LCT: variants seen among roughly 807,000 people sequenced by gnomAD.
The protein encoded by LCT is lactase/phlorizin hydrolase.
A neutral mutation model predicts 173.0 loss-of-function variants in LCT; 90 were observed. That is an observed-to-expected ratio of 0.52 (90% confidence interval 0.44 to 0.62). The LOEUF is 0.62. Among genes scored for constraint, LCT ranks in the 20% least tolerant of loss-of-function variants. LCT has a pLI of 0.00. For synonymous variants in LCT, 853 were observed against 957.6 expected, an observed-to-expected ratio of 0.89 and a Z score of 2.02; for missense variants, 1,864 against 2,431.4, an observed-to-expected ratio of 0.77 and a Z score of 4.91.
At chr2:135,804,718 TG>T in intron 10 of LCT, 48 bp downstream of exon 10, 1 of 1,555,974 alleles carries the variant, frequency 6.4e-7, no homozygotes, top group Non-Finnish European at 8.9e-7. Flanking sequence ...CCAGCCCTGC[TG>T]GTTCCTGCAT....
intron 2 of LCT, among the ~76,000 whole-genome samples, chr2:135,830,544 T>C (rs1415216288): frequency 6.6e-6 from 1 of 152,242 alleles, no homozygotes; most frequent in Admixed American, 6.5e-5. Flanking sequence ...TGTGAATGCC[T>C]AGTGTTCCAT....
In LCT at chr2:135,836,596, G is replaced by C. The variant is rs1455020416; in HGVS notation, c.574C>G (p.Leu192Val). 6.2e-7 allele frequency: 1 copy of C among 1,613,824 alleles called. No homozygotes were observed. Among genetic ancestry groups the C allele is most frequent in the African/African-American group, 1.3e-5 (1 of 74,930 alleles). The change falls in exon 1 of 17, where the codon CTC (leucine) becomes GTC (valine). Residue 192 changes from leucine to valine, a missense_variant. By Grantham distance (32) the Leu-to-Val change is conservative. Around this residue, in one of 4 missense-constraint regions of LCT, gnomAD observed 412 missense variants for 462.0 expected, o/e 0.89. Transcript: ENST00000264162. ...LPHQESRASQLQTLSDAHRKA... is the reference protein window; with the variant it reads ...LPHQESRASQVQTLSDAHRKA... ...CTGTGGGCATCACTGAGGGTCTGGA[G>C]TTGTGACGCTCTTGATTCCTGGTGG...
intron 12 of LCT, among the ~76,000 whole-genome samples, chr2:135,798,833 G>T (rs902767730): frequency 1.4e-4 from 21 of 152,276 alleles, no homozygotes; most frequent in African/African-American, 4.8e-4. Flanking sequence ...CATGGTCAGA[G>T]ATGAGGCATG....
Position 135,807,155 on chromosome 2 carries a change from G to A in LCT, c.4146C>T (p.Ile1382=). ...GATATGCAGCAGAAGCTGCACTCCA[G>A]ATGAAGCCCTCAGGAAACCGTCCGT... ...FLYGRFPEGF[I]WSAASAAYQI... is the part of the protein sequence containing the mutation. The change falls in exon 9 of 17, where the codon ATC becomes ATT. Residue 1382 remains isoleucine, a synonymous_variant. Transcript: ENST00000264162. The A allele has an allele frequency of 1.2e-6, 2 of 1,614,234 alleles. No homozygotes were observed. The highest frequency in any genetic ancestry group is 1.7e-6 in the Non-Finnish European group (2 of 1,180,032).
intron 4 of LCT, 29 bp downstream of exon 4, chr2:135,823,872 C>A (rs757353132): frequency 2.0e-6 from 3 of 1,470,924 alleles, no homozygotes; most frequent in Non-Finnish European, 2.9e-6. Context: ...AGATGTCACT[C>A]AAAACCTCTT....
In LCT at chr2:135,809,571, C is replaced by A; in HGVS notation, c.2776G>T (p.Gly926Cys). The A allele has an allele frequency of 6.2e-7, 1 of 1,614,240 alleles. No individual in the cohort carries two copies. The highest frequency in any genetic ancestry group is 8.5e-7 in the Non-Finnish European group (1 of 1,180,048). The change falls in exon 8 of 17, where the codon GGC becomes TGC. Residue 926 changes from glycine (G) to cysteine (C), a missense_variant. Transcript: ENST00000264162. The surrounding 1 kb of genome is among the most constrained non-coding windows in gnomAD (Gnocchi z 5.5). ...TTATCCCAGATGCTGGGGCCTTTGC[C>A]ATCGGCATCCCACGCGCCTTCAATC... is the stretch of plus-strand genomic sequence containing the variant. ...YQIEGAWDADGKGPSIWDNFT... is the reference protein window; with the variant it reads ...YQIEGAWDADCKGPSIWDNFT...
intron 6 of LCT, 56 bp downstream of exon 6, chr2:135,817,284 CT>C: frequency 1.3e-6 from 2 of 1,573,056 alleles, no homozygotes; most frequent in Non-Finnish European, 1.7e-6. Context: ...AAATGACTTT[CT>C]TCCAGCCAAT....
In LCT at chr2:135,789,604, C is replaced by T. The variant is rs1395909565; in HGVS notation, c.5530G>A (p.Ala1844Thr). The change falls in exon 16 of 17, where the codon GCT becomes ACT. Residue 1844 changes from alanine (A) to threonine (T), a missense_variant. Around this residue, in one of 4 missense-constraint regions of LCT, gnomAD observed 514 missense variants for 750.1 expected, o/e 0.69. Coordinates refer to ENST00000264162, the MANE Select transcript of LCT (RefSeq NM_002299.4). ...TGGAGACAAGCGTGAGGCCCTGTAG[C>T]GGGGTCAGGGAAGCCATTGCATCGG... ...VVRCNGFPDP[A>T]TGPHACLHQP... The T allele has an allele frequency of 1.9e-6, 3 of 1,613,926 alleles. No homozygotes were observed. The highest frequency in any genetic ancestry group is 1.1e-5 in the South Asian group (1 of 91,076).
At chr2:135,795,628 A>G (rs1256489759) in intron 13 of LCT, among the ~76,000 whole-genome samples, 1 of 150,908 alleles carries the variant, frequency 6.6e-6, no homozygotes, top group Admixed American at 6.6e-5. Context: ...AATAATAATA[A>G]TAATAATAAT....
Position 135,809,448 on chromosome 2 carries a change from G to A in LCT, c.2899C>T (p.Arg967Ter), listed in dbSNP as rs930628297. The A allele has an allele frequency of 5.6e-6, 9 of 1,614,088 alleles. No individual in the cohort carries two copies. The highest frequency in any genetic ancestry group is 1.3e-5 in the African/African-American group (1 of 74,928). ...HQLDADLNML[R>*]ALKVKAYRFS... ...CGGTAGGCCTTCACCTTCAAAGCTC[G>A]GAGCATATTCAGATCGGCATCCAGC... The change falls in exon 8 of 17, where the codon CGA (arginine) becomes TGA (stop). Residue 967 changes from arginine (R) to a stop codon, truncating the protein, a stop_gained. Transcript: ENST00000264162. LOFTEE classifies it high-confidence loss of function. This position sits in a 1 kb window ranked among gnomAD's most constrained non-coding sequence, Gnocchi z 5.5.
intron 2 of LCT, among the ~76,000 whole-genome samples, chr2:135,830,223 G>A (rs1046581696): frequency 1.5e-4 from 23 of 152,092 alleles, no homozygotes; most frequent in African/African-American, 4.8e-4. Flanking sequence ...AGTACGCACT[G>A]GGGACTTCCT....
rs370965510 is a variant in LCT, at chr2:135,822,092, T to A, written c.914A>T (p.Asn305Ile). 1.3e-6 allele frequency: 2 copies of A among 1,582,560 alleles called. No homozygotes were observed. Among genetic ancestry groups the A allele is most frequent in the African/African-American group, 1.3e-5 (1 of 74,302 alleles). ...CCCAATGGTGAGCACTTGGTCTTTA[T>A]TTATGGCTGTAAGAGAAGAAATTGA... ...SLLFSLFEAINKDQVLTIGFD... is the reference protein window; with the variant it reads ...SLLFSLFEAIIKDQVLTIGFD... Residue 305 changes from asparagine (N) to isoleucine (I), a missense_variant, in exon 5 of 17, where the codon AAT becomes ATT. This residue lies in a region of LCT where 412 missense variants were observed against 462.0 expected (regional missense o/e 0.89). Coordinates refer to ENST00000264162, the MANE Select transcript of LCT (RefSeq NM_002299.4).
intron 6 of LCT, among the ~76,000 whole-genome samples, chr2:135,817,090 C>T (rs545381496): frequency 1.5e-4 from 23 of 152,142 alleles, no homozygotes; most frequent in African/African-American, 4.3e-4. Context: ...AGTCTGGTCT[C>T]GAACTCCTGG....
At position 135,789,732 on chromosome 2, in the gene LCT, G is replaced by GCCCA; in HGVS notation, c.5398_5401dup (p.Ala1801ValfsTer18). The GCCCA allele has an allele frequency of 6.2e-7, 1 of 1,614,154 alleles. No individual in the cohort carries two copies. Among genetic ancestry groups the GCCCA allele is most frequent in the Non-Finnish European group, 8.5e-7 (1 of 1,179,982 alleles). On this transcript the variant is annotated frameshift_variant, in exon 16 of 17. Transcript: ENST00000264162. LOFTEE classifies it high-confidence loss of function. ...ACCAAATCTCTCTGAAAAGCCTGTG[G>GCCCA]CCCACTCAAAATTGTCCATCGCACT...
Position 135,794,715 on chromosome 2 carries a change from C to A in LCT, c.5037G>T (p.Gly1679=), listed in dbSNP as rs777885594. ...CGAGGACAGTGGTGTAGTGATTGAA[C>A]CCAAAAAAGTCATAGGTGCCGTTGA... ...RRINGTYDFF[G]FNHYTTVLAY... is the part of the protein sequence containing the mutation. The change falls in exon 14 of 17, where the codon GGG becomes GGT. Residue 1679 remains glycine (G), a synonymous_variant. Transcript: ENST00000264162. 2 of 1,613,974 alleles carry A rather than the reference C, an allele frequency of 1.2e-6. No individual in the cohort carries two copies. The highest frequency in any genetic ancestry group is 2.2e-5 in the East Asian group (1 of 44,900).
chr2:135,812,841 G>T lies in LCT; in HGVS notation c.1823C>A (p.Pro608His). Residue 608 changes from proline (P) to histidine (H), a missense_variant, in exon 7 of 17, where the codon CCC (proline) becomes CAC (histidine). By Grantham distance (77) the Pro-to-His change is moderately conservative. Coordinates refer to ENST00000264162, the MANE Select transcript of LCT (RefSeq NM_002299.4). ...GTCCTCAGGCCTCTCTGGAGACAGG[G>T]GTTCTGCCCAGTCTGAGTTCAGCAC... ...GIVLNSDWAE[P>H]LSPERPEDLR... The T allele has an allele frequency of 6.2e-7, 1 of 1,614,208 alleles. No individual in the cohort carries two copies. The highest frequency in any genetic ancestry group is 8.5e-7 in the Non-Finnish European group (1 of 1,180,038).
At chr2:135,803,854 G>T in intron 11 of LCT, 76 bp downstream of exon 11, 1 of 1,369,102 alleles carries the variant, frequency 7.3e-7, no homozygotes, top group Non-Finnish European at 1.0e-6. Context: ...CTCGTCCTGT[G>T]CCATCTGGAT....
chr2:135,823,650 C>A (rs767187520), intron 4 of LCT, among the ~76,000 whole-genome samples: 1 of 152,168 alleles, frequency 6.6e-6, no homozygotes, highest in Non-Finnish European at 1.5e-5. Flanking sequence ...ACAGCTGAGG[C>A]CTAACTATCT....
chr2:135,809,192 G>A lies in LCT; in HGVS notation c.3155C>T (p.Thr1052Ile). The change falls in exon 8 of 17, where the codon ACC becomes ATC. Residue 1052 changes from threonine (T) to isoleucine (I), a missense_variant. Physicochemically the swap from Thr to Ile is moderately conservative, Grantham distance 89. Coordinates refer to ENST00000264162, the MANE Select transcript of LCT (RefSeq NM_002299.4). The surrounding 1 kb of genome is among the most constrained non-coding windows in gnomAD (Gnocchi z 5.5). ...CCAAAACTTGACTCTATCACCAAAGGTCTGGAAACAAAAGTCTGCGTAGCT... is the reference window on the plus strand; with the variant it reads ...CCAAAACTTGACTCTATCACCAAAGATCTGGAAACAAAAGTCTGCGTAGCT... ...FDSYADFCFQ[T>I]FGDRVKFWMT... 6.2e-7 allele frequency: 1 copy of A among 1,614,184 alleles called. No individual in the cohort carries two copies. Among genetic ancestry groups the A allele is most frequent in the Non-Finnish European group, 8.5e-7 (1 of 1,180,036 alleles).
Sources: gnomAD v4.1 joint callset for allele counts (sites outside exome capture counted in the v4.1 genomes callset) on GRCh38, gnomAD v4.1.1 for gene constraint, gnomAD v4.1.1 regional missense constraint, Gnocchi (gnomAD v3.1) non-coding constraint, MANE v1.5 for transcripts, NCBI Gene and HGNC (gene_info 2026-07-23, HGNC 2026-07-21) for gene names.